The following CAPZB variants were observed in gnomAD, a reference collection of about 807,000 sequenced individuals.
CAPZB encodes the protein capping actin protein of muscle Z-line subunit beta, also known as F-actin-capping protein subunit beta.
Under a neutral mutation model 38.1 loss-of-function variants are expected in CAPZB, and 2 were observed. The ratio of observed to expected loss-of-function variants is 0.05; its 90% CI spans 0.02 to 0.17. The LOEUF (loss-of-function observed/expected upper bound fraction) is 0.17, where lower values mean the gene tolerates loss of function less well. CAPZB is among the 10% of genes least tolerant of loss of function. CAPZB has a pLI of 1.00. For missense variants in CAPZB, 161 were observed against 334.2 expected (o/e 0.48, Z 4.04); for synonymous variants, 107 against 127.4 (o/e 0.84, Z 1.08).
chr1:19,355,719 A>G (rs2094017374), intron 6 of CAPZB, among the ~76,000 whole-genome samples: 1 of 152,122 alleles, frequency 6.6e-6, no homozygotes, highest in African/African-American at 2.4e-5. Flanking sequence ...GCCAATACCG[A>G]CTTCTCCGAA....
At chr1:19,439,556 C>T (rs1439785144) in intron 1 of CAPZB, among the ~76,000 whole-genome samples, 1 of 152,214 alleles carries the variant, frequency 6.6e-6, no homozygotes, top group Admixed American at 6.5e-5. Flanking sequence ...GCGGTGCTGG[C>T]TGTTTGGCAG....
At chr1:19,465,532 A>G (rs2094566156) in intron 1 of CAPZB, among the ~76,000 whole-genome samples, 1 of 152,202 alleles carries the variant, frequency 6.6e-6, no homozygotes, top group Admixed American at 6.5e-5. Context: ...CTGTGACTGA[A>G]TTGCCTATTC....
At chr1:19,479,221 C>T (rs779898116) in intron 1 of CAPZB, among the ~76,000 whole-genome samples, 2 of 151,198 alleles carry the variant, frequency 1.3e-5, no homozygotes, top group Non-Finnish European at 3.0e-5. Context: ...AACAAACAAA[C>T]AAAAAAAAAC....
intron 4 of CAPZB, among the ~76,000 whole-genome samples, chr1:19,363,297 A>G (rs1023673903): frequency 1.6e-5 from 2 of 127,914 alleles, no homozygotes; most frequent in South Asian, 5.1e-4. Flanking sequence ...GGGTCTTGCT[A>G]TGTTGCCCAG....
chr1:19,465,531 A>G (rs1022536705), intron 1 of CAPZB, among the ~76,000 whole-genome samples: 1 of 152,212 alleles, frequency 6.6e-6, no homozygotes, highest in African/African-American at 2.4e-5. Flanking sequence ...CCTGTGACTG[A>G]ATTGCCTATT....
chr1:19,374,631 G>A (rs554011061), intron 4 of CAPZB, among the ~76,000 whole-genome samples: 27 of 152,312 alleles, frequency 1.8e-4, no homozygotes, highest in Non-Finnish European at 3.8e-4. Context: ...TGGCTTCTCC[G>A]GCCACTCCCC....
At chr1:19,440,182 T>C (rs568461784) in intron 1 of CAPZB, among the ~76,000 whole-genome samples, 16 of 152,294 alleles carry the variant, frequency 1.1e-4, no homozygotes, top group Admixed American at 3.3e-4. Flanking sequence ...GGGTCTTGCT[T>C]GCATACCACC....
intron 1 of CAPZB, among the ~76,000 whole-genome samples, chr1:19,440,875 A>G (rs940156104): frequency 2.0e-5 from 3 of 152,184 alleles, no homozygotes; most frequent in African/African-American, 4.8e-5. Context: ...CTTGGCTAAC[A>G]TGGTGAAACC....
At chr1:19,352,391 T>C (rs895088586) in intron 6 of CAPZB, among the ~76,000 whole-genome samples, 13 of 152,128 alleles carry the variant, frequency 8.5e-5, no homozygotes, top group African/African-American at 3.1e-4. Flanking sequence ...GCTGAGAAAA[T>C]ATCAAACGAA....
At chr1:19,344,158 AC>A (rs1025313296) in intron 8 of CAPZB, among the ~76,000 whole-genome samples, 199 bp downstream of exon 8, 10 of 152,144 alleles carry the variant, frequency 6.6e-5, no homozygotes, top group African/African-American at 2.4e-4. Context: ...GCAGATAGGG[AC>A]CGACAGCTGC....
intron 1 of CAPZB, among the ~76,000 whole-genome samples, chr1:19,478,446 G>C (rs1245067670): frequency 1.3e-5 from 2 of 152,188 alleles, no homozygotes; most frequent in African/African-American, 4.8e-5. Context: ...GCAACCACCA[G>C]GGTTGTTGCC....
chr1:19,456,779 C>T (rs1271279771), intron 1 of CAPZB, among the ~76,000 whole-genome samples: 1 of 152,214 alleles, frequency 6.6e-6, no homozygotes, highest in Non-Finnish European at 1.5e-5. Flanking sequence ...AATCCCAAAC[C>T]TAACAAAAAC....
At chr1:19,432,026 G>C (rs2094443507) in intron 1 of CAPZB, among the ~76,000 whole-genome samples, 1 of 97,456 alleles carries the variant, frequency 1.0e-5, no homozygotes, top group African/African-American at 4.6e-5. Flanking sequence ...CTGCATAACA[G>C]AATGAGATCC....
chr1:19,443,225 A>C (rs2094484557), intron 1 of CAPZB, among the ~76,000 whole-genome samples: 1 of 91,016 alleles, frequency 1.1e-5, no homozygotes, highest in Admixed American at 1.2e-4. Context: ...CCATCTCTAC[A>C]AAAAAAAAAA....
chr1:19,456,340 A>G (rs2094533009), intron 1 of CAPZB, among the ~76,000 whole-genome samples: 1 of 152,126 alleles, frequency 6.6e-6, no homozygotes. Flanking sequence ...TACTAATGAC[A>G]CCTCTAAGAA....
At chr1:19,426,900 G>C (rs1054051310) in intron 1 of CAPZB, among the ~76,000 whole-genome samples, 1 of 152,338 alleles carries the variant, frequency 6.6e-6, no homozygotes, top group Non-Finnish European at 1.5e-5. Context: ...TGGGGAGACA[G>C]CCTGACCAGA....
chr1:19,357,693 T>C lies in CAPZB; in HGVS notation c.330-130A>G. 1.2e-6 allele frequency: 1 copy of C among 826,650 alleles called. No homozygotes were observed. The highest frequency in any genetic ancestry group is 1.9e-6 in the Non-Finnish European group (1 of 518,344). The allele number at this position is 826,650 out of a possible 1,614,324, so 51.2% of individuals were successfully genotyped here. A position where few individuals can be genotyped will look rare whatever the true frequency, so the allele number is the denominator to read the frequency against. On this transcript the variant is annotated intron_variant, in intron 4 of 8. Coordinates refer to ENST00000264202, the MANE Select transcript of CAPZB (RefSeq NM_004930.5). This position sits in a 1 kb window ranked among gnomAD's most constrained non-coding sequence, Gnocchi z 4.3. ...TGCGACAGTTATGGGAGCCGATCCTTGGGTGTGTTCTGATCGTTCTGTGGC... is the reference window on the plus strand; with the variant it reads ...TGCGACAGTTATGGGAGCCGATCCTCGGGTGTGTTCTGATCGTTCTGTGGC...
intron 4 of CAPZB, among the ~76,000 whole-genome samples, chr1:19,366,307 TATAA>T (rs1185510538): frequency 0.063 from 4,645 of 74,094 alleles, 256 homozygotes; most frequent in Non-Finnish European, 0.091. Flanking sequence ...TATATATATA[TATAA>T]ATAAAATAAA....
At chr1:19,398,845 C>A (rs75552994) in intron 2 of CAPZB, among the ~76,000 whole-genome samples, 11 of 148,638 alleles carry the variant, frequency 7.4e-5, no homozygotes, top group Non-Finnish European at 1.3e-4. Flanking sequence ...AGGCAGACAG[C>A]GTGGGATGCC....
Sources: allele counts gnomAD v4.1 joint callset (sites outside exome capture counted in the v4.1 genomes callset), GRCh38; gene constraint gnomAD v4.1.1; non-coding constraint Gnocchi (gnomAD v3.1); transcripts MANE v1.5; gene names NCBI Gene and HGNC (gene_info 2026-07-23, HGNC 2026-07-21).